The following ISX variants were observed in gnomAD, a reference collection of about 807,000 sequenced individuals.
The protein encoded by ISX is intestine specific homeobox.
Under a neutral mutation model 16.9 loss-of-function variants are expected in ISX, and 15 were observed. The observed-to-expected ratio is 0.89, with a 90% CI of 0.59 to 1.36. ISX has a LOEUF of 1.36. Among genes scored for constraint, ISX ranks in the 40% most tolerant of loss-of-function variants. The pLI is 0.00. For missense variants in ISX, 316 were observed against 306.1 expected, an observed-to-expected ratio of 1.03 and a Z score of -0.24; for synonymous variants, 125 against 119.7, an observed-to-expected ratio of 1.04 and a Z score of -0.29.
chr22:35,083,677 C>T (rs5999701), intron 3 of ISX, among the ~76,000 whole-genome samples: 1 of 152,206 alleles, frequency 6.6e-6, no homozygotes, highest in Non-Finnish European at 1.5e-5. Flanking sequence ...GGCCAACATT[C>T]TGTTCTTTAT....
intron 2 of ISX, among the ~76,000 whole-genome samples, chr22:35,072,737 C>A (rs4821350): frequency 0.43 from 65,235 of 151,704 alleles, 14,456 homozygotes; most frequent in East Asian, 0.79. Context: ...ATATCTACTG[C>A]GTGCCAGGCA....
intron 2 of ISX, among the ~76,000 whole-genome samples, chr22:35,079,790 A>T (rs1246515783): frequency 6.6e-6 from 1 of 152,180 alleles, no homozygotes; most frequent in Non-Finnish European, 1.5e-5. Flanking sequence ...CTTTTCTACA[A>T]TCCCTAAAAT....
intron 2 of ISX, among the ~76,000 whole-genome samples, chr22:35,071,290 G>A (rs763095246): frequency 5.3e-5 from 8 of 151,976 alleles, no homozygotes; most frequent in Non-Finnish European, 1.2e-4. Flanking sequence ...ATTTTCTATG[G>A]CTGTTGTAAC....
chr22:35,085,991 C>G lies in ISX; in HGVS notation c.*298C>G, dbSNP rs887942845. ...GGTAATCCTCCAGCACCTGTGTTTC[C>G]TCTAACTTGCTGTGTGACCTCCAGC... On this transcript the variant is annotated 3_prime_UTR_variant, in exon 5 of 5. Coordinates refer to ENST00000404699, the MANE Select transcript of ISX (RefSeq NM_001303508.2). 3 of 438,118 alleles carry G rather than the reference C, an allele frequency of 6.8e-6. No homozygotes were observed. The highest frequency in any genetic ancestry group is 1.3e-5 in the Non-Finnish European group (3 of 236,026). The allele number at this position is 438,118 out of a possible 1,614,324, so 27.1% of individuals were successfully genotyped here.
At chr22:35,075,639 G>C (rs764088392) in intron 2 of ISX, among the ~76,000 whole-genome samples, 3 of 152,156 alleles carry the variant, frequency 2.0e-5, no homozygotes, top group Non-Finnish European at 4.4e-5. Flanking sequence ...AAAAAGTATG[G>C]GTGAGTGTGG....
intron 2 of ISX, among the ~76,000 whole-genome samples, chr22:35,070,493 G>A (rs897650342): frequency 3.3e-5 from 5 of 152,226 alleles, no homozygotes; most frequent in Non-Finnish European, 7.3e-5. Flanking sequence ...GGCCCCAGGC[G>A]AAAGGTGATA....
At chr22:35,084,317 T>C in intron 3 of ISX, 66 bp from the exon 4 acceptor site, 1 of 1,003,086 alleles carries the variant, frequency 1.0e-6, no homozygotes, top group Non-Finnish European at 1.6e-6. Context: ...TATTATGAAT[T>C]TGGGGGAAGT....
At chr22:35,079,642 C>T (rs9619513) in intron 2 of ISX, among the ~76,000 whole-genome samples, 50,272 of 151,876 alleles carry the variant, frequency 0.33, 9,669 homozygotes, top group Non-Finnish European at 0.44. Context: ...AGAAGTACCT[C>T]GGTTCTTAAT....
At chr22:35,072,210 C>A (rs1413112563) in intron 2 of ISX, among the ~76,000 whole-genome samples, 2 of 152,190 alleles carry the variant, frequency 1.3e-5, no homozygotes, top group East Asian at 1.9e-4. Flanking sequence ...GAATTGAGAA[C>A]CTGGCTCAGT....
At chr22:35,080,954 C>T (rs1228821999) in intron 2 of ISX, among the ~76,000 whole-genome samples, 2 of 152,338 alleles carry the variant, frequency 1.3e-5, no homozygotes, top group African/African-American at 4.8e-5. Context: ...ATGATGAGTG[C>T]TTCCAATCAA....
rs139300640 is a variant in ISX, at chr22:35,077,981, C to T, written c.230-4537C>T. 1.3e-4 allele frequency among the ~76,000 whole-genome samples: 20 copies of T among 152,202 alleles called. No individual in the cohort carries two copies. The East Asian group carries it at 3.1e-3, about 23-fold the overall frequency. On this transcript the variant is annotated intron_variant, in intron 2 of 4. Coordinates refer to ENST00000404699, the MANE Select transcript of ISX (RefSeq NM_001303508.2). Reference sequence around the variant, plus strand: ...TTCCTTCTGGGGTAAATGGAGGAGACGGCTTATTTTCGTTATGACCCGTCT... The same window carrying T: ...TTCCTTCTGGGGTAAATGGAGGAGATGGCTTATTTTCGTTATGACCCGTCT...
At chr22:35,084,301 T>C in intron 3 of ISX, 82 bp from the exon 4 acceptor site, 2 of 860,238 alleles carry the variant, frequency 2.3e-6, no homozygotes, top group Non-Finnish European at 3.9e-6. Context: ...CCTTGGAAGG[T>C]GTAGTTATTA....
chr22:35,082,506 T>C lies in ISX; in HGVS notation c.230-12T>C, dbSNP rs1929143182. ...AAGGCCACTGACACAACTTGGACCC[T>C]CTCCCATGCAGAAGGAAGGAAGAGC... On this transcript the variant is annotated splice_polypyrimidine_tract_variant and intron_variant, in intron 2 of 4. Transcript: ENST00000404699. 2 of 1,613,414 alleles carry C rather than the reference T, an allele frequency of 1.2e-6. No individual in the cohort carries two copies. Among genetic ancestry groups the C allele is most frequent in the East Asian group, 4.5e-5 (2 of 44,860 alleles).
chr22:35,076,941 T>G (rs1928997121), intron 2 of ISX, among the ~76,000 whole-genome samples: 2 of 152,178 alleles, frequency 1.3e-5, no homozygotes, highest in Admixed American at 1.3e-4. Flanking sequence ...CCTCCACTGT[T>G]GTCCCCACAT....
At chr22:35,075,109 G>T (rs4821356) in intron 2 of ISX, among the ~76,000 whole-genome samples, 86,477 of 152,024 alleles carry the variant, frequency 0.57, 25,093 homozygotes, top group Middle Eastern at 0.65. Flanking sequence ...GAACACAGAA[G>T]AGGCAATAAT....
At chr22:35,073,106 GTGGAAGCAGCTTCCTTT>G (rs1244797846) in intron 2 of ISX, among the ~76,000 whole-genome samples, 2 of 152,214 alleles carry the variant, frequency 1.3e-5, no homozygotes, top group Non-Finnish European at 1.5e-5. Flanking sequence ...GGACAGCCAA[GTGGAAGCAGCTTCCTTT>G]TAGGACTTAG....
intron 4 of ISX, among the ~76,000 whole-genome samples, chr22:35,085,201 T>C (rs1179363846): frequency 6.6e-6 from 1 of 152,100 alleles, no homozygotes; most frequent in Non-Finnish European, 1.5e-5. Flanking sequence ...TCAAAACAAT[T>C]GTAAGTACCA....
Position 35,084,388 on chromosome 22 carries a change from G to A in ISX, c.387G>A (p.Trp129Ter). The change falls in exon 4 of 5, where the codon TGG becomes TGA. Residue 129 changes from tryptophan to a stop codon, truncating the protein, a stop_gained. Coordinates refer to ENST00000404699, the MANE Select transcript of ISX (RefSeq NM_001303508.2). LOFTEE classifies it high-confidence loss of function. ...TCCTTTCTCCCTGATTACAGATCTG[G>A]TTCCAGAATCAGCGAGCCAAGTGGC... The part of the protein sequence containing the change: ...INLPEARVQI[W>*]FQNQRAKWRK... The A allele has an allele frequency of 6.2e-7, 1 of 1,612,908 alleles. No homozygotes were observed. Among genetic ancestry groups the A allele is most frequent in the Non-Finnish European group, 8.5e-7 (1 of 1,179,022 alleles).
Position 35,085,827 on chromosome 22 carries a change from C to A in ISX, c.*134C>A. 2 of 1,108,520 alleles carry A rather than the reference C, an allele frequency of 1.8e-6. No homozygotes were observed. The highest frequency in any genetic ancestry group is 1.3e-6 in the Non-Finnish European group (1 of 758,232). The allele number at this position is 1,108,520 out of a possible 1,614,324, so 68.7% of individuals were successfully genotyped here. On this transcript the variant is annotated 3_prime_UTR_variant, in exon 5 of 5. Transcript: ENST00000404699. ...CCACAGCCCAGGAAGCTACCCTGAA[C>A]ATGCCAGTTGGAAGGCTGCACCAGA... is the stretch of plus-strand genomic sequence containing the variant.
Sources: gnomAD v4.1 joint callset for allele counts (sites outside exome capture counted in the v4.1 genomes callset) on GRCh38, gnomAD v4.1.1 for gene constraint, MANE v1.5 for transcripts, NCBI Gene and HGNC (gene_info 2026-07-23, HGNC 2026-07-21) for gene names.